The following SNX29 variants were observed in gnomAD, a reference collection of about 807,000 sequenced individuals.
The protein encoded by SNX29 is sorting nexin 29.
Under a neutral mutation model 102.1 loss-of-function variants are expected in SNX29, and 78 were observed. The observed-to-expected ratio is 0.76, with a 90% CI of 0.64 to 0.92. SNX29 has a LOEUF of 0.92. Ranked by LOEUF, SNX29 falls within the 40% of genes least tolerant of loss-of-function variation. The pLI is 0.00. For synonymous variants in SNX29, 580 were observed against 414.5 expected (o/e 1.40, Z -4.85); for missense variants, 1,280 against 1,061.7 (o/e 1.21, Z -2.86).
At chr16:12,549,450 G>A (rs922945590) in intron 20 of SNX29, among the ~76,000 whole-genome samples, 1 of 152,084 alleles carries the variant, frequency 6.6e-6, no homozygotes, top group African/African-American at 2.4e-5. Flanking sequence ...ACCTAAGATT[G>A]CACCATTGAA....
intron 18 of SNX29, among the ~76,000 whole-genome samples, chr16:12,439,344 C>T (rs8047094): frequency 0.013 from 2,042 of 152,256 alleles, 44 homozygotes; most frequent in African/African-American, 0.046. Context: ...CCTGATTTTC[C>T]GGTGTGGAGT....
At chr16:12,417,571 TTCC>T (rs2084691024) in intron 18 of SNX29, among the ~76,000 whole-genome samples, 1 of 151,978 alleles carries the variant, frequency 6.6e-6, no homozygotes, top group South Asian at 2.1e-4. Flanking sequence ...GTTTCCCTCT[TTCC>T]TCCTCCTTCT....
rs185899852 is a variant in SNX29, at chr16:12,297,902, G to T, written c.1782+19866G>T. The stretch of plus-strand genomic sequence containing the variant: ...TAGCACTTATGGGCCAGGCGCTGTG[G>T]CTCATACCTGTAATCCCAGCACTTT... On this transcript the variant is annotated intron_variant, in intron 15 of 20. Transcript: ENST00000566228. Among the ~76,000 whole-genome samples the T allele has an allele frequency of 6.2e-4, 94 of 152,326 alleles. 1 individual carries two copies. The highest frequency in any genetic ancestry group is 3.8e-4 in the Non-Finnish European group (26 of 68,044).
Position 12,568,877 on chromosome 16 carries a change from G to C in SNX29, c.*248G>C, listed in dbSNP as rs975187096. The C allele has an allele frequency of 5.1e-6, 3 of 583,862 alleles. No homozygotes were observed. The highest frequency in any genetic ancestry group is 1.9e-5 in the African/African-American group (1 of 53,234). The allele number at this position is 583,862 out of a possible 1,614,324, so 36.2% of individuals were successfully genotyped here. ...TGGGACACACAGTCCTTCTGCTTCT[G>C]GGGTCTACCCTGGGCTGCAAGGGCT... is the stretch of plus-strand genomic sequence containing the variant. On this transcript the variant is annotated 3_prime_UTR_variant, in exon 21 of 21. Coordinates refer to ENST00000566228, the MANE Select transcript of SNX29 (RefSeq NM_032167.5).
intron 18 of SNX29, among the ~76,000 whole-genome samples, chr16:12,476,029 A>G (rs2087576310): frequency 6.6e-6 from 1 of 152,098 alleles, no homozygotes; most frequent in Non-Finnish European, 1.5e-5. Flanking sequence ...GTCAAGATAT[A>G]TAGGGTGACA....
At chr16:12,169,720 G>T (rs2076101363) in intron 13 of SNX29, among the ~76,000 whole-genome samples, 1 of 152,072 alleles carries the variant, frequency 6.6e-6, no homozygotes, top group South Asian at 2.1e-4. Flanking sequence ...AATTAGCCGG[G>T]AATGGTTGTG....
chr16:12,070,283 C>G (rs1171659801), intron 10 of SNX29, among the ~76,000 whole-genome samples: 1 of 149,576 alleles, frequency 6.7e-6, no homozygotes, highest in African/African-American at 2.5e-5. Context: ...CCCATTAACT[C>G]GTCATTTAGC....
At chr16:12,493,962 A>G (rs571694532) in intron 19 of SNX29, among the ~76,000 whole-genome samples, 2 of 152,206 alleles carry the variant, frequency 1.3e-5, no homozygotes, top group African/African-American at 2.4e-5. Flanking sequence ...ATTTTTAGCC[A>G]TTTGGATTTC....
chr16:12,047,794 A>G (rs1421383800), intron 6 of SNX29, among the ~76,000 whole-genome samples: 2 of 151,224 alleles, frequency 1.3e-5, no homozygotes, highest in Admixed American at 1.3e-4. Context: ...AGTAGCTGGG[A>G]TTATAGGCAT....
chr16:12,452,232 T>G (rs1280734113), intron 18 of SNX29, among the ~76,000 whole-genome samples: 1 of 152,248 alleles, frequency 6.6e-6, no homozygotes, highest in Non-Finnish European at 1.5e-5. Context: ...TGGTTTTGTT[T>G]TGTCCCTACG....
At chr16:12,310,466 A>T (rs1194486998) in intron 15 of SNX29, among the ~76,000 whole-genome samples, 1 of 152,050 alleles carries the variant, frequency 6.6e-6, no homozygotes, top group African/African-American at 2.4e-5. Context: ...GGAATGAACC[A>T]TTGGCACGCG....
chr16:12,503,746 C>CAG (rs1387548738), intron 19 of SNX29, among the ~76,000 whole-genome samples: 20 of 152,146 alleles, frequency 1.3e-4, no homozygotes, highest in African/African-American at 4.3e-4. Context: ...TTCTTCAAGG[C>CAG]AGAGCCTCTG....
chr16:12,121,201 T>C (rs1567225219), intron 11 of SNX29, among the ~76,000 whole-genome samples: 2 of 152,184 alleles, frequency 1.3e-5, no homozygotes, highest in Non-Finnish European at 2.9e-5. Context: ...GAGGTGCAGA[T>C]GGGCACCTCT....
At chr16:12,292,342 T>A (rs1239492521) in intron 15 of SNX29, among the ~76,000 whole-genome samples, 2 of 152,200 alleles carry the variant, frequency 1.3e-5, no homozygotes, top group African/African-American at 4.8e-5. Flanking sequence ...ATGCTACAAT[T>A]AATGTTTCTT....
chr16:12,191,556 G>A (rs892556420), intron 13 of SNX29, among the ~76,000 whole-genome samples: 1 of 152,210 alleles, frequency 6.6e-6, no homozygotes, highest in Non-Finnish European at 1.5e-5. Context: ...ACTCGAGGGT[G>A]TGAGGGCAAA....
At chr16:12,558,141 C>G (rs575917721) in intron 20 of SNX29, among the ~76,000 whole-genome samples, 4 of 152,302 alleles carry the variant, frequency 2.6e-5, no homozygotes, top group East Asian at 1.9e-4. Context: ...AGGGATAATC[C>G]TTTCCATCCT....
intron 14 of SNX29, among the ~76,000 whole-genome samples, chr16:12,273,739 C>T (rs1596714369): frequency 6.6e-6 from 1 of 152,176 alleles, no homozygotes; most frequent in African/African-American, 2.4e-5. Flanking sequence ...CCCAAAGAAG[C>T]CTGATACCCT....
At chr16:12,529,623 A>C (rs2076878723) in intron 20 of SNX29, among the ~76,000 whole-genome samples, 1 of 152,172 alleles carries the variant, frequency 6.6e-6, no homozygotes, top group Non-Finnish European at 1.5e-5. Flanking sequence ...AGGTCACAGC[A>C]CAAATTCCCA....
At chr16:12,356,137 C>G (rs1453899173) in intron 15 of SNX29, 26 bp from the exon 16 acceptor site, 18 of 1,601,232 alleles carry the variant, frequency 1.1e-5, no homozygotes, top group Non-Finnish European at 1.4e-5. Context: ...GCCTCTAAGC[C>G]TCACCTTTCC....
Sources: gnomAD v4.1 joint callset for allele counts (sites outside exome capture counted in the v4.1 genomes callset) on GRCh38, gnomAD v4.1.1 for gene constraint, MANE v1.5 for transcripts, NCBI Gene and HGNC (gene_info 2026-07-23, HGNC 2026-07-21) for gene names.